Variants in NEDD4L observed in about 807,000 individuals in gnomAD.
The protein encoded by NEDD4L is E3 ubiquitin-protein ligase NEDD4-like.
A neutral mutation model predicts 148.9 loss-of-function variants in NEDD4L; 54 were observed. The ratio of observed to expected loss-of-function variants is 0.36; its 90% CI spans 0.29 to 0.45. The LOEUF is 0.45. Among genes scored for constraint, NEDD4L ranks in the 20% least tolerant of loss-of-function variants. The pLI is 1.00. For synonymous variants in NEDD4L, 433 were observed against 440.7 expected, an observed-to-expected ratio of 0.98 and a Z score of 0.22; for missense variants, 856 against 1,233.8, an observed-to-expected ratio of 0.69 and a Z score of 4.59.
chr18:58,371,547 C>T (rs2046881468), intron 23 of NEDD4L: 1 of 152,384 alleles, frequency 6.6e-6, no homozygotes, highest in Non-Finnish European at 1.5e-5. Context: ...TGTTTGCTCA[C>T]TTGAGTTAAA....
At chr18:58,387,103 A>T (rs1321260735) in intron 26 of NEDD4L, among the ~76,000 whole-genome samples, 2 of 152,096 alleles carry the variant, frequency 1.3e-5, no homozygotes, top group Non-Finnish European at 2.9e-5. Flanking sequence ...TGTCTCTTAC[A>T]CATCTGTAGC....
intron 1 of NEDD4L, among the ~76,000 whole-genome samples, chr18:58,126,084 T>C (rs532088453): frequency 6.6e-6 from 1 of 152,376 alleles, no homozygotes; most frequent in African/African-American, 2.4e-5. Flanking sequence ...GGACCGTTGC[T>C]CCGAGAGGCC....
In NEDD4L at chr18:58,092,985, C is replaced by T. The variant is rs142167290; in HGVS notation, c.48+48277C>T. 4.2e-3 allele frequency among the ~76,000 whole-genome samples: 642 copies of T among 151,940 alleles called. 4 individuals are homozygous for T. Among genetic ancestry groups the T allele is most frequent in the African/African-American group, 0.015 (619 of 41,426 alleles). ...ACGCCATTCTCCTGCCTCAGCCTTC[C>T]GAGTAGCTGGGACTACAGGTGCCCG... is the stretch of plus-strand genomic sequence containing the variant. On this transcript the variant is annotated intron_variant, in intron 1 of 30. Transcript: ENST00000400345.
chr18:58,066,925 C>T (rs759687829), intron 1 of NEDD4L, among the ~76,000 whole-genome samples: 1 of 152,158 alleles, frequency 6.6e-6, no homozygotes, highest in Non-Finnish European at 1.5e-5. Context: ...GCCCCTCCTA[C>T]AACACTGGGG....
intron 25 of NEDD4L, among the ~76,000 whole-genome samples, chr18:58,384,817 C>T (rs1442604079): frequency 6.6e-6 from 1 of 152,186 alleles, no homozygotes; most frequent in African/African-American, 2.4e-5. Context: ...CAGTGTACCA[C>T]CCCGAAGGTG....
chr18:58,164,326 C>A (rs566464333), intron 1 of NEDD4L, among the ~76,000 whole-genome samples: 102 of 152,206 alleles, frequency 6.7e-4, no homozygotes, highest in African/African-American at 2.1e-3. Flanking sequence ...TCTATTAAAG[C>A]AATTGATAAG....
At chr18:58,150,024 A>G (rs2034521514) in intron 1 of NEDD4L, among the ~76,000 whole-genome samples, 1 of 152,136 alleles carries the variant, frequency 6.6e-6, no homozygotes, top group Admixed American at 6.5e-5. Flanking sequence ...CTCTTAGGTT[A>G]TTTTTGGAAG....
intron 1 of NEDD4L, among the ~76,000 whole-genome samples, chr18:58,049,626 C>T (rs1263688994): frequency 1.3e-5 from 2 of 152,150 alleles, no homozygotes; most frequent in Non-Finnish European, 2.9e-5. Flanking sequence ...ACCTAGTTTT[C>T]ATGGTGACAT....
At chr18:58,275,932 G>A (rs745493650) in intron 5 of NEDD4L, among the ~76,000 whole-genome samples, 58 of 152,144 alleles carry the variant, frequency 3.8e-4, no homozygotes, top group Non-Finnish European at 1.3e-4. Flanking sequence ...TTTCCTAAGC[G>A]GCTCTGCAGG....
intron 1 of NEDD4L, among the ~76,000 whole-genome samples, chr18:58,151,246 C>G (rs2034694407): frequency 6.6e-6 from 1 of 152,192 alleles, no homozygotes; most frequent in Non-Finnish European, 1.5e-5. Flanking sequence ...ACAGACGGAC[C>G]ATGCATGGGA....
At chr18:58,218,642 C>T (rs754644025) in intron 2 of NEDD4L, among the ~76,000 whole-genome samples, 4 of 152,136 alleles carry the variant, frequency 2.6e-5, no homozygotes, top group Admixed American at 6.5e-5. Flanking sequence ...TGTCTTAAGA[C>T]GCCAGCAGCT....
chr18:58,264,178 T>C (rs1416504977), intron 5 of NEDD4L, among the ~76,000 whole-genome samples: 1 of 152,128 alleles, frequency 6.6e-6, no homozygotes, highest in Non-Finnish European at 1.5e-5. Context: ...ACGGTAATTA[T>C]CTGCTTTTAT....
intron 2 of NEDD4L, among the ~76,000 whole-genome samples, chr18:58,212,776 T>TATGTATTTTA (rs1568399402): frequency 6.6e-6 from 1 of 151,486 alleles, no homozygotes. Context: ...CTAGCCTGAA[T>TATGTATTTTA]ATATATTTTT....
At chr18:58,156,612 GC>G (rs1183166442) in intron 1 of NEDD4L, among the ~76,000 whole-genome samples, 2 of 151,966 alleles carry the variant, frequency 1.3e-5, no homozygotes, top group Non-Finnish European at 2.9e-5. Context: ...CGCCTCCCAC[GC>G]CCCACATTTC....
chr18:58,376,776 C>G (rs913592874), intron 24 of NEDD4L, among the ~76,000 whole-genome samples: 3 of 152,226 alleles, frequency 2.0e-5, no homozygotes, highest in African/African-American at 7.2e-5. Context: ...AAGACCCCAA[C>G]CTTACTTTGT....
chr18:58,311,896 CG>C (rs768789774), intron 5 of NEDD4L, among the ~76,000 whole-genome samples: 2 of 152,190 alleles, frequency 1.3e-5, no homozygotes, highest in Non-Finnish European at 2.9e-5. Flanking sequence ...TAATAGCCCC[CG>C]GGCTTCAGGT....
intron 5 of NEDD4L, among the ~76,000 whole-genome samples, chr18:58,252,621 AACAGAT>A (rs1184207061): frequency 6.6e-6 from 1 of 152,254 alleles, no homozygotes; most frequent in Non-Finnish European, 1.5e-5. Context: ...TGAGGCATAT[AACAGAT>A]ACAAACTAAC....
intron 19 of NEDD4L, among the ~76,000 whole-genome samples, chr18:58,362,336 G>A (rs1467588393): frequency 6.6e-6 from 1 of 152,160 alleles, no homozygotes; most frequent in Non-Finnish European, 1.5e-5. Flanking sequence ...GAACCCTCAC[G>A]AATACAGGAA....
intron 2 of NEDD4L, among the ~76,000 whole-genome samples, chr18:58,172,436 C>G (rs907270215): frequency 3.3e-5 from 5 of 152,196 alleles, no homozygotes; most frequent in Non-Finnish European, 5.9e-5. Flanking sequence ...GGTAGAGTTT[C>G]AGCAGCTCCT....
Sources: gnomAD v4.1 joint callset for allele counts (sites outside exome capture counted in the v4.1 genomes callset) on GRCh38, gnomAD v4.1.1 for gene constraint, MANE v1.5 for transcripts, NCBI Gene and HGNC (gene_info 2026-07-23, HGNC 2026-07-21) for gene names.